GSN: variants seen among roughly 807,000 people sequenced by gnomAD.
GSN encodes the protein actin-depolymerizing factor.
A neutral mutation model predicts 85.7 loss-of-function variants in GSN; 56 were observed. The observed-to-expected ratio is 0.65, with a 90% CI of 0.53 to 0.82. GSN has a LOEUF of 0.82. GSN is among the 40% of genes least tolerant of loss of function. The pLI is 0.00. For missense variants in GSN, 857 were observed against 979.8 expected, an observed-to-expected ratio of 0.87 and a Z score of 1.67; for synonymous variants, 373 against 399.1, an observed-to-expected ratio of 0.93 and a Z score of 0.78.
intron 8 of GSN, 184 bp downstream of exon 8, chr9:121,317,402 C>T (rs1440037798): frequency 3.0e-6 from 2 of 660,486 alleles, no homozygotes; most frequent in Non-Finnish European, 2.7e-6. Flanking sequence ...ACTTTACTTA[C>T]CCTTTCTGGG....
intron 5 of GSN, among the ~76,000 whole-genome samples, chr9:121,240,773 C>T (rs963009867): frequency 4.6e-5 from 7 of 152,328 alleles, no homozygotes; most frequent in African/African-American, 1.7e-4. Flanking sequence ...GCAGGTGAAA[C>T]CGCAGGAGTT....
chr9:121,312,613 A>G (rs941501483), intron 6 of GSN, 125 bp downstream of exon 6: 9 of 735,676 alleles, frequency 1.2e-5, no homozygotes, highest in South Asian at 4.5e-5. Flanking sequence ...CCACCTTTTT[A>G]TTTTTAAAAT....
At chr9:121,238,888 T>C in intron 5 of GSN, 1 of 535,402 alleles carries the variant, frequency 1.9e-6, no homozygotes, top group Non-Finnish European at 3.8e-6. Context: ...TGCCTACAGC[T>C]GGTTACATAC....
intron 5 of GSN, among the ~76,000 whole-genome samples, chr9:121,244,630 G>T (rs2054664595): frequency 6.6e-6 from 1 of 152,174 alleles, no homozygotes; most frequent in Non-Finnish European, 1.5e-5. Flanking sequence ...CATGTGCAAG[G>T]CTAGCCACTG....
At chr9:121,218,996 C>CCGTAA (rs1457055661) in intron 4 of GSN, among the ~76,000 whole-genome samples, 1 of 152,162 alleles carries the variant, frequency 6.6e-6, no homozygotes, top group Non-Finnish European at 1.5e-5. Context: ...TTGGAGGTTA[C>CCGTAA]CCTACCAGTT....
intron 2 of GSN, chr9:121,282,928 T>A (rs924636480): frequency 2.2e-5 from 4 of 184,832 alleles, no homozygotes; most frequent in African/African-American, 9.5e-5. Context: ...GCTTTGCTTA[T>A]TCATCCCTCT....
the GSN span, among the ~76,000 whole-genome samples, chr9:121,202,149 G>C: frequency 6.6e-6 from 1 of 152,242 alleles, no homozygotes; most frequent in African/African-American, 2.4e-5. Context: ...GCAGGTCTGC[G>C]TGGAACCTGG....
chr9:121,293,748 G>A (rs1358986943), intron 2 of GSN, among the ~76,000 whole-genome samples: 1 of 150,724 alleles, frequency 6.6e-6, no homozygotes, highest in Non-Finnish European at 1.5e-5. Context: ...TTACATGTAA[G>A]GAAATTGAGG....
rs965700525 is a variant in GSN, at chr9:121,329,100, C to T, written c.1887+85C>T. 10 of 1,569,586 alleles carry T rather than the reference C, an allele frequency of 6.4e-6. No homozygotes were observed. Among genetic ancestry groups the T allele is most frequent in the Non-Finnish European group, 8.7e-6 (10 of 1,148,708 alleles). ...TGGCCGGCAGCAGGGGCAGGAGAAA[C>T]AGTTCTGATGGTGTGGCACAGAGGA... On this transcript the variant is annotated intron_variant, in intron 15 of 17. Coordinates refer to ENST00000432226, the MANE Select transcript of GSN (RefSeq NM_198252.3). The surrounding 1 kb of genome is among the most constrained non-coding windows in gnomAD (Gnocchi z 4.6).
chr9:121,318,001 G>A lies in GSN; in HGVS notation c.887-405G>A. ...GCCAGGAGCTCCTTGGCACGGGAAT[G>A]CCCTCAGGGTGGCAGCTTCTCACTC... On this transcript the variant is annotated intron_variant, in intron 8 of 17. Coordinates refer to ENST00000432226, the MANE Select transcript of GSN (RefSeq NM_198252.3). The surrounding 1 kb of genome is among the most constrained non-coding windows in gnomAD (Gnocchi z 4.3). 3.6e-6 allele frequency: 1 copy of A among 274,888 alleles called. No individual in the cohort carries two copies. Among genetic ancestry groups the A allele is most frequent in the South Asian group, 3.9e-5 (1 of 25,652 alleles). The allele number at this position is 274,888 out of a possible 1,614,324, so 17.0% of individuals were successfully genotyped here.
chr9:121,282,910 G>A (rs746995533), intron 2 of GSN: 10 of 203,382 alleles, frequency 4.9e-5, no homozygotes, highest in South Asian at 1.9e-4. Flanking sequence ...AGCAACCGTC[G>A]CCTGAGAGCT....
intron 12 of GSN, among the ~76,000 whole-genome samples, chr9:121,326,177 A>C (rs76050991): frequency 0.038 from 5,763 of 151,094 alleles, 334 homozygotes; most frequent in Admixed American, 0.15. Flanking sequence ...GCATTCTGGA[A>C]GAATGTCCAC....
Position 121,310,818 on chromosome 9 carries a change from C to T in GSN, c.486C>T (p.Gly162=), listed in dbSNP as rs776048646. ...VPVSWESFNN[G]DCFILDLGNN... ...TGTCCTGGGAGAGCTTCAACAATGGCGACTGCTTCATCCTGGACCTGGGCA... is the reference window on the plus strand; with the variant it reads ...TGTCCTGGGAGAGCTTCAACAATGGTGACTGCTTCATCCTGGACCTGGGCA... Residue 162 remains glycine (G), a synonymous_variant, in exon 5 of 18, where the codon GGC becomes GGT. Coordinates refer to ENST00000432226, the MANE Select transcript of GSN (RefSeq NM_198252.3). The T allele has an allele frequency of 3.7e-6, 6 of 1,614,078 alleles. No individual in the cohort carries two copies. The highest frequency in any genetic ancestry group is 4.2e-6 in the Non-Finnish European group (5 of 1,180,010).
intron 7 of GSN, among the ~76,000 whole-genome samples, chr9:121,316,277 T>G (rs2061692452): frequency 6.6e-6 from 1 of 152,230 alleles, no homozygotes; most frequent in African/African-American, 2.4e-5. Context: ...TATATACCAT[T>G]CACTCAGCTT....
chr9:121,213,850 A>T (rs1393724123), intron 4 of GSN, among the ~76,000 whole-genome samples: 1 of 152,208 alleles, frequency 6.6e-6, no homozygotes, highest in Non-Finnish European at 1.5e-5. Context: ...TCCAAAATCC[A>T]TAAAACGATA....
chr9:121,322,856 G>C (rs1368439734), intron 11 of GSN, among the ~76,000 whole-genome samples: 1 of 149,844 alleles, frequency 6.7e-6, no homozygotes, highest in African/African-American at 2.5e-5. Flanking sequence ...TTTGAGACAG[G>C]GTCTTGCTCT....
intron 4 of GSN, among the ~76,000 whole-genome samples, chr9:121,213,810 G>T (rs915261605): frequency 6.6e-6 from 1 of 152,092 alleles, no homozygotes; most frequent in African/African-American, 2.4e-5. Flanking sequence ...ATGGGCTGGG[G>T]TCCTCTCAGC....
chr9:121,326,362 T>C, intron 12 of GSN, 150 bp from the exon 13 acceptor site: 1 of 717,128 alleles, frequency 1.4e-6, no homozygotes, highest in South Asian at 1.5e-5. Context: ...GGAATTCTGG[T>C]GTCCCTGCCT....
chr9:121,202,356 C>A, the GSN span, among the ~76,000 whole-genome samples: 1 of 152,238 alleles, frequency 6.6e-6, no homozygotes, highest in African/African-American at 2.4e-5. Flanking sequence ...TCGTATATAC[C>A]GGTCCTGTCC....
Sources: allele counts gnomAD v4.1 joint callset (sites outside exome capture counted in the v4.1 genomes callset), GRCh38; gene constraint gnomAD v4.1.1; non-coding constraint Gnocchi (gnomAD v3.1); transcripts MANE v1.5; gene names NCBI Gene and HGNC (gene_info 2026-07-23, HGNC 2026-07-21).